Variants in CSMD1 observed in about 807,000 individuals in gnomAD.
CSMD1 encodes the protein CUB and Sushi multiple domains 1.
A neutral mutation model predicts 417.5 loss-of-function variants in CSMD1; 213 were observed. The observed-to-expected ratio is 0.51, with a 90% confidence interval of 0.46 to 0.57. The LOEUF is 0.57. CSMD1 is among the 20% of genes least tolerant of loss of function. The pLI, the probability that CSMD1 is intolerant of heterozygous loss-of-function variation, is 0.00. For synonymous variants in CSMD1, 2,862 were observed against 1,736.8 expected (o/e 1.65, Z -16.11); for missense variants, 6,923 against 4,529.7 (o/e 1.53, Z -15.17).
Position 4,637,644 on chromosome 8 carries a change from ATTTTTTTTTTTTTTTTTTTT to A in CSMD1, c.86-106_86-87del, listed in dbSNP as rs76431173. On this transcript the variant is annotated intron_variant, in intron 1 of 69. Coordinates refer to ENST00000635120, the MANE Select transcript of CSMD1 (RefSeq NM_033225.6). Reference sequence around the variant, plus strand: ...AAAAAATTTCTAAACACTTTAGCCAATTTTTTTTTTTTTTTTTTTTTTTTTTTTTTTTTTTTTGAGACGGA... The same window carrying A: ...AAAAAATTTCTAAACACTTTAGCCAATTTTTTTTTTTTTTTTTGAGACGGA... 1.6e-3 allele frequency: 569 copies of A among 351,834 alleles called. 14 individuals are homozygous for A. The highest frequency in any genetic ancestry group is 2.0e-3 in the South Asian group (56 of 27,894). 21.8% of individuals were successfully genotyped at this position (351,834 alleles called of 1,614,324 possible). A position where few individuals can be genotyped will look rare whatever the true frequency, so the allele number is the denominator to read the frequency against.
chr8:3,684,526 C>T (rs1020954260), intron 7 of CSMD1, among the ~76,000 whole-genome samples: 1 of 150,478 alleles, frequency 6.6e-6, no homozygotes, highest in African/African-American at 2.4e-5. Context: ...TTTTACTGGC[C>T]ATCTAGAAAC....
intron 1 of CSMD1, among the ~76,000 whole-genome samples, chr8:4,931,061 G>C (rs1391162986): frequency 6.6e-6 from 1 of 152,130 alleles, no homozygotes; most frequent in Non-Finnish European, 1.5e-5. Context: ...TGACTTATCT[G>C]TAATAATTGG....
chr8:4,078,197 A>G (rs889932343), intron 3 of CSMD1, among the ~76,000 whole-genome samples: 1 of 152,032 alleles, frequency 6.6e-6, no homozygotes, highest in Non-Finnish European at 1.5e-5. Context: ...TCTTTGCTGC[A>G]TTTCTACATC....
chr8:3,870,694 T>C (rs1210081183), intron 5 of CSMD1, among the ~76,000 whole-genome samples: 1 of 152,182 alleles, frequency 6.6e-6, no homozygotes, highest in African/African-American at 2.4e-5. Context: ...TTAAGTATTA[T>C]CTGATTTATA....
chr8:3,246,059 C>A (rs1011537609), intron 26 of CSMD1, among the ~76,000 whole-genome samples: 2 of 152,082 alleles, frequency 1.3e-5, no homozygotes, highest in African/African-American at 4.8e-5. Context: ...TCTTGTCTAC[C>A]CCCAGTGCAA....
chr8:3,220,267 T>A (rs1327949979), intron 28 of CSMD1, among the ~76,000 whole-genome samples: 2 of 83,470 alleles, frequency 2.4e-5, no homozygotes, highest in Non-Finnish European at 5.3e-5. Context: ...TATCCCAGTT[T>A]TTTTTCTCTG....
At chr8:4,346,501 A>T (rs949750683) in intron 3 of CSMD1, among the ~76,000 whole-genome samples, 5 of 152,076 alleles carry the variant, frequency 3.3e-5, no homozygotes, top group African/African-American at 1.2e-4. Flanking sequence ...GCCTCATGAC[A>T]TTATTGTCTA....
intron 2 of CSMD1, among the ~76,000 whole-genome samples, chr8:4,629,182 C>T (rs1363001468): frequency 6.6e-6 from 1 of 152,138 alleles, no homozygotes; most frequent in Admixed American, 6.5e-5. Flanking sequence ...TTGTAGAATA[C>T]ATTCTTAGCT....
intron 10 of CSMD1, among the ~76,000 whole-genome samples, chr8:3,532,568 G>C (rs944566878): frequency 1.3e-5 from 2 of 152,102 alleles, no homozygotes; most frequent in African/African-American, 4.8e-5. Context: ...GTTCAACACA[G>C]GATTTGATGA....
intron 54 of CSMD1, among the ~76,000 whole-genome samples, chr8:2,996,370 T>A (rs556514141): frequency 1.3e-5 from 2 of 152,332 alleles, no homozygotes; most frequent in East Asian, 1.9e-4. Flanking sequence ...CTTATCAGGA[T>A]AATCACCCAC....
chr8:3,308,327 G>C lies in CSMD1; in HGVS notation c.3808C>G (p.Leu1270Val), dbSNP rs761646551. 2 of 1,610,516 alleles carry C rather than the reference G, an allele frequency of 1.2e-6. No homozygotes were observed. Among genetic ancestry groups the C allele is most frequent in the African/African-American group, 1.3e-5 (1 of 74,864 alleles). Residue 1270 changes from leucine to valine, a missense_variant, in exon 24 of 70, where the codon CTA becomes GTA. Coordinates refer to ENST00000635120, the MANE Select transcript of CSMD1 (RefSeq NM_033225.6). ...CCACACTCACCTATGCACGAAGGTA[G>C]TGGTTTGTCCCACACTCTCCTGTCT... ...SGDRRVWDKP[L>V]PSCIAECGGQ... is the part of the protein sequence containing the mutation.
At chr8:4,637,610 C>G (rs372149161) in intron 1 of CSMD1, 52 bp from the exon 2 acceptor site, 15 of 979,434 alleles carry the variant, frequency 1.5e-5, no homozygotes, top group African/African-American at 1.9e-5. Flanking sequence ...CATCTTTAAT[C>G]TGTGATTTAA....
intron 29 of CSMD1, among the ~76,000 whole-genome samples, chr8:3,215,470 G>T (rs765774375): frequency 6.6e-6 from 1 of 152,138 alleles, no homozygotes; most frequent in Non-Finnish European, 1.5e-5. Flanking sequence ...GGACACCTCT[G>T]CCAGGAAAGG....
chr8:3,052,852 G>T (rs1286240791), intron 49 of CSMD1, among the ~76,000 whole-genome samples: 1 of 148,428 alleles, frequency 6.7e-6, no homozygotes, highest in African/African-American at 2.5e-5. Context: ...CTCGATCTCA[G>T]CTCACTGCAG....
chr8:3,794,922 T>C (rs1799957996), intron 5 of CSMD1, among the ~76,000 whole-genome samples: 1 of 151,948 alleles, frequency 6.6e-6, no homozygotes, highest in Non-Finnish European at 1.5e-5. Context: ...ATTTTCATCT[T>C]TTCTAACCTT....
chr8:3,672,748 G>C (rs879759902), intron 7 of CSMD1, among the ~76,000 whole-genome samples: 1 of 152,130 alleles, frequency 6.6e-6, no homozygotes, highest in South Asian at 2.1e-4. Flanking sequence ...TTTAAACCAG[G>C]CAAATGGAAG....
chr8:4,487,157 T>C (rs1801455345), intron 2 of CSMD1, among the ~76,000 whole-genome samples: 1 of 152,226 alleles, frequency 6.6e-6, no homozygotes, highest in South Asian at 2.1e-4. Flanking sequence ...GTAATAATGA[T>C]GAAGTTTCTT....
intron 2 of CSMD1, among the ~76,000 whole-genome samples, chr8:4,546,965 C>G (rs1011141558): frequency 6.6e-6 from 1 of 152,282 alleles, no homozygotes. Flanking sequence ...CATTCACGTA[C>G]ATGAAGTAGG....
intron 5 of CSMD1, among the ~76,000 whole-genome samples, chr8:3,945,888 A>G (rs1378859864): frequency 6.6e-6 from 1 of 152,136 alleles, no homozygotes; most frequent in Non-Finnish European, 1.5e-5. Context: ...AGACATAAGA[A>G]CGTACTGACT....
Sources: gnomAD v4.1 joint callset for allele counts (sites outside exome capture counted in the v4.1 genomes callset) on GRCh38, gnomAD v4.1.1 for gene constraint, MANE v1.5 for transcripts, NCBI Gene and HGNC (gene_info 2026-07-23, HGNC 2026-07-21) for gene names.